CHAMP1: variants seen among roughly 807,000 people sequenced by gnomAD.
The protein encoded by CHAMP1 is chromosome alignment-maintaining phosphoprotein 1.
Under a neutral mutation model 54.5 loss-of-function variants are expected in CHAMP1, and 4 were observed. The ratio of observed to expected loss-of-function variants is 0.07; its 90% CI spans 0.04 to 0.17. The LOEUF (loss-of-function observed/expected upper bound fraction) is 0.17, where lower values mean the gene tolerates loss of function less well. Ranked by LOEUF, CHAMP1 falls within the 10% of genes least tolerant of loss-of-function variation. The pLI, the probability that CHAMP1 is intolerant of heterozygous loss-of-function variation, is 1.00. For synonymous variants in CHAMP1, 368 were observed against 342.2 expected (o/e 1.08, Z -0.83); for missense variants, 994 against 968.6 (o/e 1.03, Z -0.35).
In CHAMP1 at chr13:114,325,331, C is replaced by A; in HGVS notation, c.1489C>A (p.Arg497=). 2 of 1,614,092 alleles carry A rather than the reference C, an allele frequency of 1.2e-6. No homozygotes were observed. Among genetic ancestry groups the A allele is most frequent in the Non-Finnish European group, 1.7e-6 (2 of 1,180,024 alleles). ...TCAGAAACCTGTCTTCCCTGAGACCCGAAAACCAGGTCCTTCTGGGCCATC... is the reference window on the plus strand; with the variant it reads ...TCAGAAACCTGTCTTCCCTGAGACCAGAAAACCAGGTCCTTCTGGGCCATC... ...EPQKPVFPET[R]KPGPSGPSES... is the part of the protein sequence containing the mutation. The change falls in exon 3 of 3, where the codon CGA becomes AGA. Residue 497 remains arginine (R), a synonymous_variant. Coordinates refer to ENST00000361283, the MANE Select transcript of CHAMP1 (RefSeq NM_032436.4).
chr13:114,317,062 A>G (rs988085889), intron 1 of CHAMP1, among the ~76,000 whole-genome samples: 40 of 151,988 alleles, frequency 2.6e-4, no homozygotes, highest in Admixed American at 2.6e-4. Flanking sequence ...TCTGTTGCCC[A>G]GCTGGAGTGC....
chr13:114,316,343 A>T (rs1048414674), intron 1 of CHAMP1, among the ~76,000 whole-genome samples: 1 of 151,410 alleles, frequency 6.6e-6, no homozygotes, highest in Non-Finnish European at 1.5e-5. Context: ...TTGTATTTTT[A>T]GTAGAGACGA....
chr13:114,318,880 TTTTTTTAA>T (rs2087134045), intron 1 of CHAMP1, among the ~76,000 whole-genome samples: 1 of 137,532 alleles, frequency 7.3e-6, no homozygotes, highest in Non-Finnish European at 1.5e-5. Context: ...TTTTTTTTTT[TTTTTTTAA>T]TGTTCCCTAG....
chr13:114,327,244 C>G lies in CHAMP1; in HGVS notation c.*963C>G, dbSNP rs1428995601. 1 of 165,020 alleles carries G rather than the reference C, an allele frequency of 6.1e-6. No individual in the cohort carries two copies. The highest frequency in any genetic ancestry group is 1.5e-5 in the Non-Finnish European group (1 of 68,066). 10.2% of individuals were successfully genotyped at this position (165,020 alleles called of 1,614,324 possible). Reference sequence around the variant, plus strand: ...ATTATGTTACTGTAAATACCTTGTACCTGTTCATGGATTATTTTATTCTAA... The same window carrying G: ...ATTATGTTACTGTAAATACCTTGTAGCTGTTCATGGATTATTTTATTCTAA... On this transcript the variant is annotated 3_prime_UTR_variant, in exon 3 of 3. Coordinates refer to ENST00000361283, the MANE Select transcript of CHAMP1 (RefSeq NM_032436.4).
At chr13:114,318,440 C>G (rs1310339088) in intron 1 of CHAMP1, among the ~76,000 whole-genome samples, 1 of 151,924 alleles carries the variant, frequency 6.6e-6, no homozygotes, top group Non-Finnish European at 1.5e-5. Context: ...TCTCTTGCCT[C>G]AGGCTCCCGA....
chr13:114,319,813 G>A (rs782119972), intron 1 of CHAMP1, among the ~76,000 whole-genome samples: 2 of 152,184 alleles, frequency 1.3e-5, no homozygotes, highest in Admixed American at 6.5e-5. Flanking sequence ...ATGGCCGGGT[G>A]GCAAGACAGG....
At chr13:114,317,521 G>A (rs1176781891) in intron 1 of CHAMP1, among the ~76,000 whole-genome samples, 1 of 152,094 alleles carries the variant, frequency 6.6e-6, no homozygotes, top group Non-Finnish European at 1.5e-5. Flanking sequence ...CTACTTAGGA[G>A]GCTGAGGCGG....
chr13:114,318,561 G>T (rs1218751744), intron 1 of CHAMP1, among the ~76,000 whole-genome samples: 1 of 151,876 alleles, frequency 6.6e-6, no homozygotes, highest in Non-Finnish European at 1.5e-5. Context: ...TGAGCTCAAG[G>T]GATCCACCTG....
rs547434000 is a variant in CHAMP1, at chr13:114,325,134, G to A, written c.1292G>A (p.Arg431His). The change falls in exon 3 of 3, where the codon CGT (arginine) becomes CAT (histidine). Residue 431 changes from arginine (R) to histidine (H), a missense_variant. Physicochemically the swap from Arg to His is conservative, Grantham distance 29 (BLOSUM62 0). This residue lies in a region of CHAMP1 where 851 missense variants were observed against 701.3 expected (regional missense o/e 1.21). Coordinates refer to ENST00000361283, the MANE Select transcript of CHAMP1 (RefSeq NM_032436.4). ...KPGPPLSPEI[R>H]SPAGSPELRK... ...GGCCCACCACTATCCCCAGAGATCC[G>A]TAGTCCAGCAGGATCTCCAGAGCTC... is the stretch of plus-strand genomic sequence containing the variant. 7.4e-6 allele frequency: 12 copies of A among 1,614,108 alleles called. No individual in the cohort carries two copies. Among genetic ancestry groups the A allele is most frequent in the East Asian group, 4.5e-5 (2 of 44,882 alleles).
chr13:114,324,592 A>G lies in CHAMP1; in HGVS notation c.750A>G (p.Leu250=), dbSNP rs1229916794. Reference sequence around the variant, plus strand: ...CCTCATCTCCAGAGTCACCAGTTCTAGCTGCTTCCCCAGAACCTTGGGGAC... The same window carrying G: ...CCTCATCTCCAGAGTCACCAGTTCTGGCTGCTTCCCCAGAACCTTGGGGAC... ...PSASSPESPV[L]AASPEPWGPS... The change falls in exon 3 of 3, where the codon CTA becomes CTG. Residue 250 remains leucine (L), a synonymous_variant. Coordinates refer to ENST00000361283, the MANE Select transcript of CHAMP1 (RefSeq NM_032436.4). 3 of 1,613,996 alleles carry G rather than the reference A, an allele frequency of 1.9e-6. No homozygotes were observed. In the African/African-American group the frequency reaches 4.0e-5, roughly 22 times the overall value.
At chr13:114,315,921 C>T (rs933887159) in intron 1 of CHAMP1, among the ~76,000 whole-genome samples, 2 of 150,918 alleles carry the variant, frequency 1.3e-5, no homozygotes, top group Non-Finnish European at 2.9e-5. Flanking sequence ...ACTGCAACCT[C>T]CGCCCCCTGG....
chr13:114,319,603 A>C (rs2087143503), intron 1 of CHAMP1, among the ~76,000 whole-genome samples: 1 of 152,226 alleles, frequency 6.6e-6, no homozygotes, highest in Non-Finnish European at 1.5e-5. Flanking sequence ...ATGCCAATAA[A>C]AAAGAGCGTT....
chr13:114,319,757 C>G (rs1348548982), intron 1 of CHAMP1, among the ~76,000 whole-genome samples: 1 of 152,180 alleles, frequency 6.6e-6, no homozygotes, highest in African/African-American at 2.4e-5. Context: ...AGAAAGACAG[C>G]TGACTTAAAA....
chr13:114,322,606 G>A (rs1162199619), intron 2 of CHAMP1: 5 of 152,210 alleles, frequency 3.3e-5, no homozygotes, highest in African/African-American at 1.2e-4. Context: ...TTGGTAAAAT[G>A]TATCAATTTT....
Position 114,323,899 on chromosome 13 carries a change from C to T in CHAMP1, c.57C>T (p.Cys19=). The part of the protein sequence containing the change: ...KPSARLECDH[C]SFRGTDYENV... ...CAGCACGTTTGGAGTGTGACCATTG[C>T]AGTTTCAGAGGCACAGACTATGAAA... Residue 19 remains cysteine, a synonymous_variant, in exon 3 of 3, where the codon TGC becomes TGT. Transcript: ENST00000361283. 5 of 1,613,764 alleles carry T rather than the reference C, an allele frequency of 3.1e-6. No individual in the cohort carries two copies. The highest frequency in any genetic ancestry group is 4.2e-6 in the Non-Finnish European group (5 of 1,179,734).
rs1406438016 is a variant in CHAMP1 at position 114,325,863 on chromosome 13, C to G, written c.2021C>G (p.Thr674Ser). ...AGCAAAGAGAACAAAATGGACATGA[C>G]TAGTCCAGAGCAGTCTAGAAATGTG... ...DFSKENKMDM[T>S]SPEQSRNVLQ... The change falls in exon 3 of 3, where the codon ACT (threonine) becomes AGT (serine). Residue 674 changes from threonine to serine, a missense_variant. Thr to Ser is a moderately conservative substitution (Grantham distance 58). Coordinates refer to ENST00000361283, the MANE Select transcript of CHAMP1 (RefSeq NM_032436.4). 2 of 1,614,072 alleles carry G rather than the reference C, an allele frequency of 1.2e-6. No homozygotes were observed. The highest frequency in any genetic ancestry group is 2.2e-5 in the East Asian group (1 of 44,878).
At chr13:114,323,665 G>A in intron 2 of CHAMP1, 123 bp from the exon 3 acceptor site, 3 of 759,408 alleles carry the variant, frequency 4.0e-6, no homozygotes, top group South Asian at 2.2e-5. Context: ...ATTCTCCCTA[G>A]AGATACTATC....
At position 114,321,880 on chromosome 13, in the gene CHAMP1, G is replaced by A. The variant is rs191890513; in HGVS notation, c.-56+648G>A. Among the ~76,000 whole-genome samples, 639 of 152,162 alleles carry A rather than the reference G, an allele frequency of 4.2e-3. 3 individuals carry two copies. Among genetic ancestry groups the A allele is most frequent in the Middle Eastern group, 0.017 (5 of 294 alleles). ...AACTCAGAAAGAGTAAATAGTTTCCGAAGAAAAGTATTTGTTTCCTCAAGT... is the reference window on the plus strand; with the variant it reads ...AACTCAGAAAGAGTAAATAGTTTCCAAAGAAAAGTATTTGTTTCCTCAAGT... On this transcript the variant is annotated intron_variant, in intron 2 of 2. Transcript: ENST00000361283.
chr13:114,318,392 G>C (rs547773978), intron 1 of CHAMP1, among the ~76,000 whole-genome samples: 7 of 150,714 alleles, frequency 4.6e-5, no homozygotes, highest in Non-Finnish European at 7.4e-5. Flanking sequence ...GTGCAGTCTT[G>C]GTTCACTGCA....
Sources: gnomAD v4.1 joint callset for allele counts (sites outside exome capture counted in the v4.1 genomes callset) on GRCh38, gnomAD v4.1.1 for gene constraint, gnomAD v4.1.1 regional missense constraint, MANE v1.5 for transcripts, NCBI Gene and HGNC (gene_info 2026-07-23, HGNC 2026-07-21) for gene names.